The following UNC119B variants were observed in gnomAD, a reference collection of about 807,000 sequenced individuals.
UNC119B encodes unc-119 lipid binding chaperone B, also known as protein unc-119 homolog B.
Under a neutral mutation model 23.4 loss-of-function variants are expected in UNC119B, and 16 were observed. That is an observed-to-expected ratio of 0.68 (90% CI 0.46 to 1.04). The LOEUF is 1.04. Among genes scored for constraint, UNC119B ranks in the 50% least tolerant of loss-of-function variants. The probability of loss-of-function intolerance (pLI) is 0.00; values close to 1 mark genes in which losing one functional copy is unlikely to be tolerated. For synonymous variants in UNC119B, 144 were observed against 145.4 expected (o/e 0.99, Z 0.07); for missense variants, 350 against 361.3 (o/e 0.97, Z 0.25).
chr12:120,710,570 C>T lies in UNC119B; in HGVS notation c.96C>T (p.Gly32=). 3 of 1,397,984 alleles carry T rather than the reference C, an allele frequency of 2.1e-6. No homozygotes were observed. Among genetic ancestry groups the T allele is most frequent in the African/African-American group, 1.5e-5 (1 of 66,164 alleles). The allele number at this position is 1,397,984 out of a possible 1,614,324, so 86.6% of individuals were successfully genotyped here. A position where few individuals can be genotyped will look rare whatever the true frequency, so the allele number is the denominator to read the frequency against. ...AGGAGGAGAAGAAGAAGGCGGGCGG[C>T]GGCGTCCTGAACCGCCTGAAGGCGC... is the stretch of plus-strand genomic sequence containing the variant. ...AGKEEKKKAG[G]GVLNRLKARR... Residue 32 remains glycine, a synonymous_variant, in exon 1 of 5, where the codon GGC becomes GGT. Transcript: ENST00000344651.
intron 4 of UNC119B, among the ~76,000 whole-genome samples, chr12:120,719,595 G>A (rs901839155): frequency 6.6e-6 from 1 of 152,188 alleles, no homozygotes; most frequent in East Asian, 1.9e-4. Flanking sequence ...GGTTGGTGGG[G>A]TCCATGTTGG....
At chr12:120,714,168 A>G (rs908904519) in intron 2 of UNC119B, among the ~76,000 whole-genome samples, 1 of 152,212 alleles carries the variant, frequency 6.6e-6, no homozygotes, top group Admixed American at 6.5e-5. Context: ...AGTGTTTCTC[A>G]TCTGATTTGC....
intron 2 of UNC119B, among the ~76,000 whole-genome samples, chr12:120,715,590 A>G (rs894415247): frequency 2.5e-5 from 3 of 122,070 alleles, no homozygotes; most frequent in Non-Finnish European, 4.7e-5. Flanking sequence ...CTGGAGTGCA[A>G]TGGCACAATC....
intron 1 of UNC119B, among the ~76,000 whole-genome samples, chr12:120,712,132 G>C (rs1011048219): frequency 2.0e-5 from 3 of 152,196 alleles, no homozygotes; most frequent in Non-Finnish European, 4.4e-5. Flanking sequence ...TGGGCACTCA[G>C]ATCCTATCTG....
At position 120,716,612 on chromosome 12, in the gene UNC119B, C is replaced by G. The variant is rs1566020106; in HGVS notation, c.359-16C>G. 1.2e-6 allele frequency: 2 copies of G among 1,613,652 alleles called. No homozygotes were observed. Among genetic ancestry groups the G allele is most frequent in the Non-Finnish European group, 1.7e-6 (2 of 1,179,670 alleles). On this transcript the variant is annotated splice_polypyrimidine_tract_variant and intron_variant, in intron 2 of 4. Transcript: ENST00000344651. ...ATGTCGAGATGGTGCACTGAAGATT[C>G]TGTGTGCTCTTTCAGACCAGGAGGA...
At chr12:120,719,675 A>G (rs1461440027) in intron 4 of UNC119B, among the ~76,000 whole-genome samples, 1 of 152,198 alleles carries the variant, frequency 6.6e-6, no homozygotes, top group African/African-American at 2.4e-5. Flanking sequence ...AGAGGAGGCC[A>G]TGGTGGAGAG....
Position 120,710,666 on chromosome 12 carries a change from G to A in UNC119B, c.192G>A (p.Ala64=). The change falls in exon 1 of 5, where the codon GCG becomes GCA. Residue 64 remains alanine, a synonymous_variant. Transcript: ENST00000344651. ...CGGTCACGGAGCAGGAGCTGCTGGC[G>A]CTGGACACCATCCGGCCCGAGCACG... ...GAAVTEQELL[A]LDTIRPEHVL... 6.9e-7 allele frequency: 1 copy of A among 1,452,242 alleles called. No individual in the cohort carries two copies. Among genetic ancestry groups the A allele is most frequent in the Non-Finnish European group, 9.0e-7 (1 of 1,107,432 alleles). The allele number at this position is 1,452,242 out of a possible 1,614,324, so 90.0% of individuals were successfully genotyped here.
At chr12:120,713,527 G>GA in intron 2 of UNC119B, 140 bp downstream of exon 2, 1 of 636,136 alleles carries the variant, frequency 1.6e-6, no homozygotes, top group Non-Finnish European at 2.8e-6. Context: ...GGCCTGGTCT[G>GA]CCAGGCATGG....
In UNC119B at chr12:120,716,641, T is replaced by C; in HGVS notation, c.372T>C (p.Asp124=). ...AKPCVSDQEE[D]EEEGGGDVDI... ...GTGCTCTTTCAGACCAGGAGGAGGA[T>C]GAGGAGGAGGGAGGTGGAGACGTGG... Residue 124 remains aspartate (D), a synonymous_variant, in exon 3 of 5, where the codon GAT becomes GAC. Transcript: ENST00000344651. The C allele has an allele frequency of 2.5e-6, 4 of 1,614,014 alleles. No homozygotes were observed. Among genetic ancestry groups the C allele is most frequent in the Non-Finnish European group, 1.7e-6 (2 of 1,179,962 alleles).
chr12:120,710,884 T>C (rs1882650665), intron 1 of UNC119B, 166 bp downstream of exon 1: 1 of 570,662 alleles, frequency 1.8e-6, no homozygotes, highest in African/African-American at 2.0e-5. Context: ...CCCGCCACGC[T>C]CACGTAGCTC....
At position 120,720,314 on chromosome 12, in the gene UNC119B, T is replaced by C; in HGVS notation, c.*282T>C. On this transcript the variant is annotated 3_prime_UTR_variant, in exon 5 of 5. Coordinates refer to ENST00000344651, the MANE Select transcript of UNC119B (RefSeq NM_001080533.3). ...GTCCTGGAATCCAGATAAAAAAGTTTATTTTCCGTAGTTCTGGCTGCCTGT... is the reference window on the plus strand; with the variant it reads ...GTCCTGGAATCCAGATAAAAAAGTTCATTTTCCGTAGTTCTGGCTGCCTGT... The C allele has an allele frequency of 3.2e-6, 1 of 316,842 alleles. No homozygotes were observed. The highest frequency in any genetic ancestry group is 5.8e-6 in the Non-Finnish European group (1 of 172,846). 19.6% of individuals were successfully genotyped at this position (316,842 alleles called of 1,614,324 possible).
At chr12:120,716,485 G>GC (rs1882781792) in intron 2 of UNC119B, 143 bp from the exon 3 acceptor site, 1 of 836,632 alleles carries the variant, frequency 1.2e-6, no homozygotes, top group Non-Finnish European at 2.1e-6. Flanking sequence ...CTGCTATATA[G>GC]CAAGTGCGCA....
At position 120,722,879 on chromosome 12, in the gene UNC119B, A is replaced by G. The variant is rs538861980; in HGVS notation, c.*2847A>G. 3.9e-5 allele frequency: 6 copies of G among 152,296 alleles called. No individual in the cohort carries two copies. The highest frequency in any genetic ancestry group is 6.5e-5 in the Admixed American group (1 of 15,282). The allele number at this position is 152,296 out of a possible 1,614,324, so 9.4% of individuals were successfully genotyped here. On this transcript the variant is annotated 3_prime_UTR_variant, in exon 5 of 5. Transcript: ENST00000344651. ...CTCAATACTGTTTTGCAGAGAAAAC[A>G]TTTTTCAAGCATGTGCTTCCTGAAG... is the stretch of plus-strand genomic sequence containing the variant.
intron 4 of UNC119B, among the ~76,000 whole-genome samples, chr12:120,717,821 C>T (rs1882813330): frequency 6.6e-6 from 1 of 151,536 alleles, no homozygotes. Flanking sequence ...CTCATCCTCC[C>T]AAAGTACTGG....
intron 1 of UNC119B, 82 bp downstream of exon 1, chr12:120,710,800 G>C: frequency 1.6e-6 from 2 of 1,233,144 alleles, no homozygotes; most frequent in Non-Finnish European, 2.0e-6. Context: ...CACTTGACCA[G>C]CGCGGGGGTC....
At chr12:120,713,940 T>A (rs1176716054) in intron 2 of UNC119B, among the ~76,000 whole-genome samples, 1 of 152,176 alleles carries the variant, frequency 6.6e-6, no homozygotes, top group Non-Finnish European at 1.5e-5. Context: ...CTCAACCATT[T>A]TCTGGAAGAA....
chr12:120,715,374 T>C (rs914967881), intron 2 of UNC119B, among the ~76,000 whole-genome samples: 1 of 152,158 alleles, frequency 6.6e-6, no homozygotes, highest in Non-Finnish European at 1.5e-5. Context: ...CAGTCGCTCT[T>C]GGGCTTGTCA....
chr12:120,718,480 G>T lies in UNC119B; in HGVS notation c.643+1438G>T, dbSNP rs189113817. Among the ~76,000 whole-genome samples the T allele has an allele frequency of 3.0e-3, 453 of 152,318 alleles. 2 individuals carry two copies. Among genetic ancestry groups the T allele is most frequent in the Non-Finnish European group, 5.0e-3 (338 of 68,038 alleles). Reference sequence around the variant, plus strand: ...GATAGATCCAGCAGGAAGGAATGGGGCTGTTGTAGATTTTGGGGCAGGAGT... The same window carrying T: ...GATAGATCCAGCAGGAAGGAATGGGTCTGTTGTAGATTTTGGGGCAGGAGT... On this transcript the variant is annotated intron_variant, in intron 4 of 4. Transcript: ENST00000344651.
intron 2 of UNC119B, among the ~76,000 whole-genome samples, chr12:120,716,198 C>A (rs1365871461): frequency 2.6e-5 from 4 of 152,164 alleles, no homozygotes; most frequent in Admixed American, 1.3e-4. Flanking sequence ...ATAGAATAGA[C>A]CATGTCAGAG....
Sources: allele counts gnomAD v4.1 joint callset (sites outside exome capture counted in the v4.1 genomes callset), GRCh38; gene constraint gnomAD v4.1.1; transcripts MANE v1.5; gene names NCBI Gene and HGNC (gene_info 2026-07-23, HGNC 2026-07-21).